The following NLRC5 variants were observed in gnomAD, a reference collection of about 807,000 sequenced individuals.
NLRC5 encodes protein NLRC5.
In NLRC5, 114 loss-of-function variants were observed where a neutral mutation model predicts 206.9. The observed-to-expected ratio is 0.55, with a 90% CI of 0.47 to 0.64. The LOEUF is 0.64. NLRC5 is among the 30% of genes least tolerant of loss of function. The pLI, the probability that NLRC5 is intolerant of heterozygous loss-of-function variation, is 0.00. For synonymous variants in NLRC5, 952 were observed against 962.8 expected (o/e 0.99, Z 0.21); for missense variants, 2,008 against 2,305.5 (o/e 0.87, Z 2.64).
chr16:57,075,791 G>C (rs1370449259), intron 39 of NLRC5: 1 of 152,130 alleles, frequency 6.6e-6, no homozygotes, highest in Non-Finnish European at 1.5e-5. Context: ...CCCCTACCTC[G>C]GGCAGAGCAG....
chr16:57,054,225 T>G (rs2065296180), intron 24 of NLRC5, among the ~76,000 whole-genome samples: 2 of 152,080 alleles, frequency 1.3e-5, no homozygotes, highest in African/African-American at 4.8e-5. Flanking sequence ...AATAGAGATC[T>G]GGGATGCTGC....
Position 57,079,150 on chromosome 16 carries a change from C to T in NLRC5, c.5165+17C>T. 6.2e-7 allele frequency: 1 copy of T among 1,614,050 alleles called. No homozygotes were observed. ...AGAGATCAGGTAAGTAGGGGCTGCCCAGCCCAGGCACGGGGACAGTCCTGG... is the reference window on the plus strand; with the variant it reads ...AGAGATCAGGTAAGTAGGGGCTGCCTAGCCCAGGCACGGGGACAGTCCTGG... On this transcript the variant is annotated intron_variant, in intron 44 of 48. Coordinates refer to ENST00000688547, the MANE Select transcript of NLRC5 (RefSeq NM_001384950.1).
intron 1 of NLRC5, among the ~76,000 whole-genome samples, chr16:57,006,155 C>A (rs1208333202): frequency 6.6e-6 from 1 of 151,492 alleles, no homozygotes; most frequent in African/African-American, 2.4e-5. Flanking sequence ...TGCACCACCA[C>A]TCCTGGCTAA....
intron 24 of NLRC5, among the ~76,000 whole-genome samples, chr16:57,051,869 G>A (rs1243756941): frequency 3.3e-5 from 5 of 152,132 alleles, no homozygotes; most frequent in African/African-American, 1.2e-4. Flanking sequence ...TGCCTCCTCT[G>A]CGTCTCAGTT....
chr16:57,058,924 A>G (rs779407367), intron 28 of NLRC5, 48 bp from the exon 29 acceptor site: 2 of 1,496,438 alleles, frequency 1.3e-6, no homozygotes, highest in East Asian at 4.5e-5. Context: ...GCAGGGCTCC[A>G]AGGAGGTCCT....
intron 5 of NLRC5, 135 bp downstream of exon 5, chr16:57,023,988 G>A: frequency 1.2e-6 from 1 of 816,588 alleles, no homozygotes. Flanking sequence ...GTTTCCAGGA[G>A]AAAAGGACTG....
intron 43 of NLRC5, 69 bp downstream of exon 43, chr16:57,078,089 T>C (rs75220858): frequency 7.6e-7 from 1 of 1,317,974 alleles, no homozygotes; most frequent in Admixed American, 2.5e-5. Flanking sequence ...AGTGGGGGGG[T>C]CCAGGCCCCC....
rs766712762 is a variant in NLRC5, at chr16:57,025,899, A to T, written c.956A>T (p.Asp319Val). The change falls in exon 6 of 49, where the codon GAT becomes GTT. Residue 319 changes from aspartate to valine, a missense_variant. Transcript: ENST00000688547. ...GAGGCCCTCCAGCCTATGGGTCCTGATGGCCCAGGCCCAGTCCTCACCCTT... is the reference window on the plus strand; with the variant it reads ...GAGGCCCTCCAGCCTATGGGTCCTGTTGGCCCAGGCCCAGTCCTCACCCTT... ...LDEALQPMGP[D>V]GPGPVLTLFS... 6.2e-7 allele frequency: 1 copy of T among 1,614,202 alleles called. No homozygotes were observed. Among genetic ancestry groups the T allele is most frequent in the Non-Finnish European group, 8.5e-7 (1 of 1,180,032 alleles).
intron 30 of NLRC5, among the ~76,000 whole-genome samples, chr16:57,060,460 C>T (rs1186580124): frequency 6.6e-6 from 1 of 151,606 alleles, no homozygotes; most frequent in Non-Finnish European, 1.5e-5. Context: ...CACACGCACA[C>T]CACACAGCAC....
At chr16:57,042,307 T>A (rs1404845813) in intron 19 of NLRC5, among the ~76,000 whole-genome samples, 1 of 152,168 alleles carries the variant, frequency 6.6e-6, no homozygotes, top group Non-Finnish European at 1.5e-5. Context: ...TCTCCGCATC[T>A]CTGAACAGGC....
chr16:57,010,775 G>A (rs1041279790), intron 1 of NLRC5, among the ~76,000 whole-genome samples: 1 of 152,102 alleles, frequency 6.6e-6, no homozygotes, highest in Non-Finnish European at 1.5e-5. Context: ...GTCATTTAGG[G>A]AAGTTTCATT....
intron 8 of NLRC5, among the ~76,000 whole-genome samples, chr16:57,029,550 G>A (rs1024620735): frequency 2.6e-5 from 4 of 152,154 alleles, no homozygotes; most frequent in Non-Finnish European, 5.9e-5. Context: ...GAGCCGCCAG[G>A]CAAAAACTTC....
rs1429509205 is a variant in NLRC5 at position 57,078,081 on chromosome 16, T to G, written c.5081+61T>G. The G allele has an allele frequency of 6.0e-6, 8 of 1,337,562 alleles. No homozygotes were observed. The African/African-American group carries it at 6.1e-5, about 10-fold the overall frequency. 82.9% of individuals were successfully genotyped at this position (1,337,562 alleles called of 1,614,324 possible). ...TGGGGAGGAGGGTCCTCGGGAGCAGTGGGGGGGTCCAGGCCCCCATCAGTT... is the reference window on the plus strand; with the variant it reads ...TGGGGAGGAGGGTCCTCGGGAGCAGGGGGGGGGTCCAGGCCCCCATCAGTT... On this transcript the variant is annotated intron_variant, in intron 43 of 48. Coordinates refer to ENST00000688547, the MANE Select transcript of NLRC5 (RefSeq NM_001384950.1).
chr16:57,065,438 T>G, intron 33 of NLRC5, 140 bp downstream of exon 33: 2 of 480,834 alleles, frequency 4.2e-6, no homozygotes, highest in African/African-American at 2.0e-5. Flanking sequence ...CAGGAGCTCC[T>G]GGGGCATATG....
intron 13 of NLRC5, chr16:57,035,091 C>G (rs2062375469): frequency 6.6e-6 from 1 of 152,556 alleles, no homozygotes; most frequent in Admixed American, 6.5e-5. Flanking sequence ...CTGAGCATGC[C>G]CCTCCCCGAG....
At chr16:57,045,617 C>T in intron 21 of NLRC5, 125 bp downstream of exon 21, 1 of 814,236 alleles carries the variant, frequency 1.2e-6, no homozygotes, top group Non-Finnish European at 2.1e-6. Flanking sequence ...AAGTCCGGCA[C>T]ACTAGGTTTA....
intron 16 of NLRC5, 94 bp downstream of exon 16, chr16:57,039,943 G>A: frequency 9.3e-7 from 1 of 1,074,622 alleles, no homozygotes; most frequent in Non-Finnish European, 1.4e-6. Context: ...TCAACTGCCA[G>A]GGTGACCTGG....
Position 57,029,855 on chromosome 16 carries a change from G to A in NLRC5, c.2326G>A (p.Asp776Asn), listed in dbSNP as rs2061608960. Residue 776 changes from aspartate to asparagine, a missense_variant and splice_region_variant, in exon 9 of 49, where the codon GAC (aspartate) becomes AAC (asparagine). Physicochemically the swap from Asp to Asn is conservative, Grantham distance 23 (BLOSUM62 1). Transcript: ENST00000688547. ...LPHLPRLRKLDLSSNSICVST... is the reference protein window; with the variant it reads ...LPHLPRLRKLNLSSNSICVST... ...TCACCTACCACGGCTCCGGAAGCTTGAGTAAGTGATCTTTCCACTGCCTCT... is the reference window on the plus strand; with the variant it reads ...TCACCTACCACGGCTCCGGAAGCTTAAGTAAGTGATCTTTCCACTGCCTCT... 1.9e-6 allele frequency: 3 copies of A among 1,613,764 alleles called. No individual in the cohort carries two copies. The highest frequency in any genetic ancestry group is 1.7e-5 in the Admixed American group (1 of 59,992).
chr16:57,061,418 C>A, intron 30 of NLRC5, 30 bp from the exon 31 acceptor site: 1 of 1,603,508 alleles, frequency 6.2e-7, no homozygotes, highest in Non-Finnish European at 8.5e-7. Context: ...CAGGCCTCAC[C>A]CAGGCTCTGC....
Sources: allele counts gnomAD v4.1 joint callset (sites outside exome capture counted in the v4.1 genomes callset), GRCh38; gene constraint gnomAD v4.1.1; transcripts MANE v1.5; gene names NCBI Gene and HGNC (gene_info 2026-07-23, HGNC 2026-07-21).